The following PTPRM variants were observed in gnomAD, a reference collection of about 807,000 sequenced individuals.
The protein encoded by PTPRM is protein tyrosine phosphatase receptor type M.
Under a neutral mutation model 186.7 loss-of-function variants are expected in PTPRM, and 47 were observed. That is an observed-to-expected ratio of 0.25 (90% CI 0.20 to 0.32). PTPRM has a LOEUF of 0.32. PTPRM is among the 10% of genes least tolerant of loss of function. PTPRM has a pLI of 1.00. For synonymous variants in PTPRM, 668 were observed against 674.9 expected, an observed-to-expected ratio of 0.99 and a Z score of 0.16; for missense variants, 1,494 against 1,865.0, an observed-to-expected ratio of 0.80 and a Z score of 3.66.
At chr18:7,597,319 G>A (rs924478008) in intron 1 of PTPRM, among the ~76,000 whole-genome samples, 1 of 152,190 alleles carries the variant, frequency 6.6e-6, no homozygotes, top group Admixed American at 6.5e-5. Context: ...GTGAGAGAAT[G>A]CTGTTCTCTC....
chr18:7,824,873 C>T (rs2045401922), intron 2 of PTPRM, among the ~76,000 whole-genome samples: 1 of 152,204 alleles, frequency 6.6e-6, no homozygotes, highest in South Asian at 2.1e-4. Flanking sequence ...GCAGGCAGCG[C>T]TACTCAACAT....
chr18:8,369,408 C>T (rs529423503), intron 23 of PTPRM, among the ~76,000 whole-genome samples: 3 of 152,256 alleles, frequency 2.0e-5, no homozygotes, highest in African/African-American at 7.2e-5. Flanking sequence ...ACAGTAGAGC[C>T]TGAATTTAGG....
At chr18:8,159,608 G>A (rs1161879665) in intron 14 of PTPRM, among the ~76,000 whole-genome samples, 1 of 152,148 alleles carries the variant, frequency 6.6e-6, no homozygotes, top group African/African-American at 2.4e-5. Flanking sequence ...GGACACCTGG[G>A]ATTTAGTGCT....
At chr18:8,282,976 C>T (rs932146154) in intron 19 of PTPRM, among the ~76,000 whole-genome samples, 2 of 152,098 alleles carry the variant, frequency 1.3e-5, no homozygotes, top group Non-Finnish European at 2.9e-5. Flanking sequence ...GAAAAAGAAG[C>T]CAGTACTTGA....
intron 29 of PTPRM, among the ~76,000 whole-genome samples, 194 bp downstream of exon 29, chr18:8,380,621 C>G (rs2095727442): frequency 6.6e-6 from 1 of 152,036 alleles, no homozygotes; most frequent in South Asian, 2.1e-4. Context: ...CAGTTGAAAC[C>G]AGAAATACAG....
At chr18:8,251,223 G>A (rs929607958) in intron 17 of PTPRM, among the ~76,000 whole-genome samples, 12 of 152,324 alleles carry the variant, frequency 7.9e-5, no homozygotes, top group African/African-American at 2.6e-4. Flanking sequence ...CCACGTGAAG[G>A]ACCCAGATCA....
intron 1 of PTPRM, among the ~76,000 whole-genome samples, chr18:7,735,057 C>G (rs1463700197): frequency 6.6e-6 from 1 of 152,162 alleles, no homozygotes; most frequent in African/African-American, 2.4e-5. Flanking sequence ...GAAGTGGGGA[C>G]CAGGCATGCC....
At chr18:7,786,841 A>G (rs1252155263) in intron 2 of PTPRM, among the ~76,000 whole-genome samples, 2 of 152,232 alleles carry the variant, frequency 1.3e-5, no homozygotes, top group African/African-American at 4.8e-5. Flanking sequence ...ACTGCAATCA[A>G]TGCTTGTTAT....
chr18:7,982,299 T>C lies in PTPRM; in HGVS notation c.1132+26885T>C, dbSNP rs1422945835. On this transcript the variant is annotated intron_variant, in intron 7 of 32. Transcript: ENST00000580170. ...TAAGTTTTTACTTTTTTTTTTTTTTTTTACTTTTAAAACTTTTTTGATACC... is the reference window on the plus strand; with the variant it reads ...TAAGTTTTTACTTTTTTTTTTTTTTCTTACTTTTAAAACTTTTTTGATACC... 2.0e-5 allele frequency among the ~76,000 whole-genome samples: 3 copies of C among 151,418 alleles called. No individual in the cohort carries two copies. The East Asian group carries it at 5.8e-4, about 29-fold the overall frequency.
intron 23 of PTPRM, among the ~76,000 whole-genome samples, chr18:8,362,058 G>A (rs1398854630): frequency 1.3e-5 from 2 of 152,144 alleles, no homozygotes. Context: ...CCTGATATGT[G>A]CCTGTTATCC....
chr18:8,247,807 T>G (rs752184348), intron 15 of PTPRM, 38 bp from the exon 16 acceptor site: 13 of 1,464,900 alleles, frequency 8.9e-6, no homozygotes, highest in East Asian at 2.3e-5. Context: ...GTGTATTACC[T>G]CTCTGCTGCC....
At chr18:7,788,217 C>A (rs1167771465) in intron 2 of PTPRM, among the ~76,000 whole-genome samples, 1 of 152,122 alleles carries the variant, frequency 6.6e-6, no homozygotes, top group Admixed American at 6.5e-5. Context: ...TGAATAAAGT[C>A]AATATAAATA....
intron 2 of PTPRM, among the ~76,000 whole-genome samples, chr18:7,850,100 G>A (rs542056947): frequency 6.6e-6 from 1 of 152,246 alleles, no homozygotes; most frequent in Admixed American, 6.5e-5. Context: ...TTGAACTTAG[G>A]TGATCTTCAG....
At chr18:7,859,626 T>C (rs2047259838) in intron 2 of PTPRM, among the ~76,000 whole-genome samples, 1 of 152,162 alleles carries the variant, frequency 6.6e-6, no homozygotes, top group Admixed American at 6.5e-5. Context: ...GTCACTCCTG[T>C]TGGGGAACTC....
At chr18:8,114,047 AT>A (rs1440289884) in intron 12 of PTPRM, among the ~76,000 whole-genome samples, 3 of 150,890 alleles carry the variant, frequency 2.0e-5, no homozygotes, top group African/African-American at 7.3e-5. Flanking sequence ...TTAGCTTACT[AT>A]TTTACAGGAA....
intron 1 of PTPRM, among the ~76,000 whole-genome samples, chr18:7,594,165 G>A (rs1199535263): frequency 6.6e-6 from 1 of 152,138 alleles, no homozygotes; most frequent in Non-Finnish European, 1.5e-5. Flanking sequence ...AGTAAAGTCA[G>A]TTCCATTTAA....
chr18:7,622,735 G>A (rs1035947969), intron 1 of PTPRM, among the ~76,000 whole-genome samples: 1 of 152,146 alleles, frequency 6.6e-6, no homozygotes, highest in Non-Finnish European at 1.5e-5. Flanking sequence ...GTCAGTTTCA[G>A]CATCAGGCAG....
intron 32 of PTPRM, among the ~76,000 whole-genome samples, chr18:8,396,541 G>A (rs1568907098): frequency 6.6e-6 from 1 of 152,190 alleles, no homozygotes; most frequent in Non-Finnish European, 1.5e-5. Context: ...TGAAGGACAG[G>A]GGTGATTTTT....
At chr18:8,219,541 C>T (rs1430732873) in intron 14 of PTPRM, among the ~76,000 whole-genome samples, 1 of 151,962 alleles carries the variant, frequency 6.6e-6, no homozygotes, top group African/African-American at 2.4e-5. Context: ...GAGATCCTGA[C>T]AAAGTCAAGA....
Sources: allele counts gnomAD v4.1 joint callset (sites outside exome capture counted in the v4.1 genomes callset), GRCh38; gene constraint gnomAD v4.1.1; transcripts MANE v1.5; gene names NCBI Gene and HGNC (gene_info 2026-07-23, HGNC 2026-07-21).